The following ELL2 variants were observed in gnomAD, a reference collection of about 807,000 sequenced individuals.
ELL2 encodes the protein RNA polymerase II elongation factor ELL2.
Under a neutral mutation model 72.8 loss-of-function variants are expected in ELL2, and 21 were observed. That is an observed-to-expected ratio of 0.29 (90% CI 0.20 to 0.42). The LOEUF (loss-of-function observed/expected upper bound fraction) is 0.42. Among genes scored for constraint, ELL2 ranks in the 10% least tolerant of loss-of-function variants. The probability of loss-of-function intolerance (pLI) is 1.00; values close to 1 mark genes in which losing one functional copy is unlikely to be tolerated. For synonymous variants in ELL2, 266 were observed against 283.2 expected, an observed-to-expected ratio of 0.94 and a Z score of 0.61; for missense variants, 568 against 772.8, an observed-to-expected ratio of 0.73 and a Z score of 3.14.
chr5:95,910,968 GA>G (rs1288679752), intron 4 of ELL2, among the ~76,000 whole-genome samples: 3 of 151,590 alleles, frequency 2.0e-5, no homozygotes, highest in South Asian at 2.1e-4. Flanking sequence ...GTAAAATACA[GA>G]GAGAATAATA....
chr5:95,909,524 T>A (rs1325549017), intron 4 of ELL2, among the ~76,000 whole-genome samples: 2 of 129,650 alleles, frequency 1.5e-5, no homozygotes, highest in African/African-American at 7.1e-5. Flanking sequence ...AGAATTGAGA[T>A]GCTAAAAGAA....
At chr5:95,927,941 C>G (rs1435533976) in intron 2 of ELL2, among the ~76,000 whole-genome samples, 7 of 150,638 alleles carry the variant, frequency 4.6e-5, no homozygotes, top group Admixed American at 6.6e-5. Flanking sequence ...TACAACTGAC[C>G]AGTGTTGGTT....
chr5:95,949,638 A>C (rs1334947104), intron 1 of ELL2, among the ~76,000 whole-genome samples: 2 of 151,902 alleles, frequency 1.3e-5, no homozygotes, highest in African/African-American at 2.4e-5. Context: ...GCAAGTATTT[A>C]TTAAATACTT....
chr5:95,889,405 CAG>C (rs1230696488), intron 10 of ELL2, among the ~76,000 whole-genome samples: 4 of 152,080 alleles, frequency 2.6e-5, no homozygotes, highest in African/African-American at 9.7e-5. Context: ...AAGCAAAAGA[CAG>C]TAAACAAAAT....
At chr5:95,900,810 G>A (rs1489428746) in intron 6 of ELL2, 30 bp from the exon 7 acceptor site, 3 of 1,578,652 alleles carry the variant, frequency 1.9e-6, no homozygotes, top group Admixed American at 1.9e-5. Context: ...TATGTGTTAA[G>A]GAGATGATTT....
chr5:95,891,704 T>G (rs1389601806), intron 9 of ELL2, among the ~76,000 whole-genome samples: 1 of 152,214 alleles, frequency 6.6e-6, no homozygotes, highest in Non-Finnish European at 1.5e-5. Flanking sequence ...CCGTGAGTGC[T>G]GAAAGTCAAA....
chr5:95,925,314 T>C (rs1053764646), intron 2 of ELL2, among the ~76,000 whole-genome samples: 1 of 152,210 alleles, frequency 6.6e-6, no homozygotes, highest in Non-Finnish European at 1.5e-5. Context: ...CTATAATTTC[T>C]TTTTTATAGA....
At chr5:95,904,810 T>C (rs1174331444) in intron 5 of ELL2, among the ~76,000 whole-genome samples, 1 of 152,176 alleles carries the variant, frequency 6.6e-6, no homozygotes, top group Non-Finnish European at 1.5e-5. Flanking sequence ...CTGCTAGCAA[T>C]GTTCAGGAAA....
chr5:95,929,492 C>G (rs1382406672), intron 2 of ELL2, among the ~76,000 whole-genome samples: 3 of 151,988 alleles, frequency 2.0e-5, no homozygotes, highest in African/African-American at 7.3e-5. Flanking sequence ...CTCCTGACCT[C>G]GTGATCTGCC....
At chr5:95,895,823 C>T in intron 8 of ELL2, 132 bp from the exon 9 acceptor site, 1 of 755,148 alleles carries the variant, frequency 1.3e-6, no homozygotes, top group Non-Finnish European at 2.3e-6. Flanking sequence ...CAATAAGCAA[C>T]AGTGAGCAAG....
At chr5:95,934,009 C>T (rs1442897974) in intron 2 of ELL2, among the ~76,000 whole-genome samples, 1 of 152,120 alleles carries the variant, frequency 6.6e-6, no homozygotes, top group Non-Finnish European at 1.5e-5. Flanking sequence ...TCTAAGTAAG[C>T]ATCATCTTAC....
At chr5:95,912,413 T>C (rs1406341427) in intron 4 of ELL2, among the ~76,000 whole-genome samples, 1 of 152,160 alleles carries the variant, frequency 6.6e-6, no homozygotes, top group Non-Finnish European at 1.5e-5. Flanking sequence ...TATAAAATGG[T>C]GGTATTGGGC....
intron 2 of ELL2, among the ~76,000 whole-genome samples, chr5:95,934,741 T>C (rs1750715782): frequency 6.6e-6 from 1 of 152,216 alleles, no homozygotes; most frequent in Non-Finnish European, 1.5e-5. Flanking sequence ...TGTCAACTTG[T>C]TTTTTTAAAC....
intron 2 of ELL2, among the ~76,000 whole-genome samples, chr5:95,928,180 T>A (rs137986520): frequency 5.8e-4 from 89 of 152,198 alleles, no homozygotes; most frequent in Non-Finnish European, 9.4e-4. Context: ...CTATGGAGCA[T>A]GAGAGAACAG....
rs1270953051 is a variant in ELL2 at position 95,961,841 on chromosome 5, T to C, written c.-120A>G. On this transcript the variant is annotated 5_prime_UTR_variant, in exon 1 of 12. Transcript: ENST00000237853. The stretch of plus-strand genomic sequence containing the variant: ...TAGGGCCATCCCGCTGCTGACGTAC[T>C]GTCATATACTGCGCGGAGCCAGACC... The C allele has an allele frequency of 2.4e-6, 3 of 1,274,720 alleles. No homozygotes were observed. The highest frequency in any genetic ancestry group is 3.1e-6 in the Non-Finnish European group (3 of 968,030). The allele number at this position is 1,274,720 out of a possible 1,614,324, so 79.0% of individuals were successfully genotyped here. A position where few individuals can be genotyped will look rare whatever the true frequency, so the allele number is the denominator to read the frequency against.
intron 2 of ELL2, among the ~76,000 whole-genome samples, chr5:95,937,051 T>G (rs1212749707): frequency 1.3e-5 from 2 of 152,244 alleles, no homozygotes; most frequent in Admixed American, 1.3e-4. Flanking sequence ...CTTAACTCAT[T>G]GCTAAGAATA....
At chr5:95,889,038 C>G in intron 11 of ELL2, 48 bp downstream of exon 11, 1 of 1,507,378 alleles carries the variant, frequency 6.6e-7, no homozygotes, top group South Asian at 1.2e-5. Context: ...GCAGAATTTA[C>G]AACATTTTTC....
chr5:95,940,338 A>C (rs1192342999), intron 2 of ELL2, among the ~76,000 whole-genome samples: 1 of 152,214 alleles, frequency 6.6e-6, no homozygotes, highest in Non-Finnish European at 1.5e-5. Context: ...GCATTTATTT[A>C]GAAGAAAACT....
chr5:95,919,354 T>G, intron 3 of ELL2, 70 bp downstream of exon 3: 1 of 1,516,804 alleles, frequency 6.6e-7, no homozygotes, highest in South Asian at 1.3e-5. Context: ...ATGTATTGTA[T>G]TGTTTAATTT....
Sources: gnomAD v4.1 joint callset for allele counts (sites outside exome capture counted in the v4.1 genomes callset) on GRCh38, gnomAD v4.1.1 for gene constraint, MANE v1.5 for transcripts, NCBI Gene and HGNC (gene_info 2026-07-23, HGNC 2026-07-21) for gene names.